The following DIAPH2 variants were observed in gnomAD, a reference collection of about 807,000 sequenced individuals.
DIAPH2 encodes the protein protein diaphanous homolog 2.
In DIAPH2, 35 loss-of-function variants were observed where a neutral mutation model predicts 92.7. The observed-to-expected ratio is 0.38, with a 90% CI of 0.29 to 0.50. The LOEUF (loss-of-function observed/expected upper bound fraction) is 0.50, where lower values mean the gene tolerates loss of function less well. Ranked by LOEUF, DIAPH2 falls within the 20% of genes least tolerant of loss-of-function variation. DIAPH2 has a pLI of 0.94. For synonymous variants in DIAPH2, 301 were observed against 280.4 expected (o/e 1.07, Z -0.73); for missense variants, 701 against 819.5 (o/e 0.86, Z 1.77).
chrX:97,170,032 G>A (rs2067440309), intron 22 of DIAPH2, among the ~76,000 whole-genome samples: 1 of 111,984 alleles, frequency 8.9e-6, no homozygotes, highest in Non-Finnish European at 1.9e-5. Context: ...GTCATTTAGA[G>A]AGATGAGGAA....
intron 26 of DIAPH2, among the ~76,000 whole-genome samples, chrX:97,462,637 T>C: frequency 8.9e-6 from 1 of 111,905 alleles, no homozygotes; most frequent in East Asian, 2.8e-4. Flanking sequence ...CACATTTTAA[T>C]TGGAAGAATG....
chrX:96,692,028 C>T (rs2063800378), intron 1 of DIAPH2, among the ~76,000 whole-genome samples: 1 of 112,111 alleles, frequency 8.9e-6, no homozygotes, highest in South Asian at 3.7e-4. Context: ...GGAATTTTAA[C>T]CTACCCTTAA....
intron 4 of DIAPH2, among the ~76,000 whole-genome samples, chrX:96,784,816 A>T (rs975751631): frequency 8.9e-6 from 1 of 112,126 alleles, no homozygotes; most frequent in Non-Finnish European, 1.9e-5. Context: ...TAAATCATCA[A>T]TGCAGAGTGG....
intron 23 of DIAPH2, among the ~76,000 whole-genome samples, chrX:97,264,575 A>G (rs1309305199): frequency 8.9e-6 from 1 of 112,548 alleles, no homozygotes; most frequent in Non-Finnish European, 1.9e-5. Flanking sequence ...GTGGTTAATT[A>G]ACCTTTGCAC....
intron 19 of DIAPH2, among the ~76,000 whole-genome samples, chrX:97,076,732 T>A (rs1204148891): frequency 1.8e-5 from 2 of 111,809 alleles, no homozygotes; most frequent in African/African-American, 6.5e-5. Flanking sequence ...CTCATATATA[T>A]GTCTTAAATC....
chrX:97,077,267 A>C (rs1011896213), intron 19 of DIAPH2, among the ~76,000 whole-genome samples: 2 of 111,761 alleles, frequency 1.8e-5, no homozygotes, highest in Non-Finnish European at 3.8e-5. Flanking sequence ...TCAGGAGAAA[A>C]GACTATAATC....
chrX:97,094,272 A>G (rs1229822001), intron 19 of DIAPH2, among the ~76,000 whole-genome samples: 3 of 111,731 alleles, frequency 2.7e-5, no homozygotes, highest in African/African-American at 9.8e-5. Context: ...TGGGAAAGTC[A>G]ATGCGCCTTC....
chrX:97,200,425 C>A (rs769894551), intron 22 of DIAPH2, among the ~76,000 whole-genome samples: 1 of 1,558 alleles, frequency 6.4e-4, no homozygotes, highest in South Asian at 0.045. Context: ...CGGAGCTCAG[C>A]AAGCTAAGAA....
chrX:97,235,391 G>A (rs2068039809), intron 22 of DIAPH2, among the ~76,000 whole-genome samples: 2 of 110,614 alleles, frequency 1.8e-5, no homozygotes, highest in South Asian at 7.7e-4. Context: ...GGATCATGAG[G>A]TCAGGAGATG....
chrX:97,034,102 G>C (rs1185960162), intron 17 of DIAPH2, among the ~76,000 whole-genome samples: 1 of 101,298 alleles, frequency 9.9e-6, no homozygotes, highest in South Asian at 4.3e-4. Context: ...TTTTTTTACT[G>C]TGACACTGTT....
intron 23 of DIAPH2, among the ~76,000 whole-genome samples, chrX:97,296,688 C>G (rs1416644334): frequency 2.7e-5 from 3 of 111,975 alleles, no homozygotes; most frequent in African/African-American, 9.7e-5. Flanking sequence ...GGGCATTTGC[C>G]CCATCTATAC....
intron 23 of DIAPH2, among the ~76,000 whole-genome samples, chrX:97,277,825 T>C (rs1428538617): frequency 8.9e-6 from 1 of 112,083 alleles, no homozygotes; most frequent in Non-Finnish European, 1.9e-5. Flanking sequence ...GTTGAACATT[T>C]CCATTCCAAA....
intron 4 of DIAPH2, among the ~76,000 whole-genome samples, chrX:96,860,870 G>A (rs1414921924): frequency 1.8e-5 from 2 of 111,644 alleles, no homozygotes; most frequent in Admixed American, 9.5e-5. Context: ...TTATATAATC[G>A]TATGTTAGAT....
intron 23 of DIAPH2, among the ~76,000 whole-genome samples, chrX:97,252,507 G>T (rs2068196737): frequency 9.0e-6 from 1 of 111,628 alleles, no homozygotes; most frequent in African/African-American, 3.3e-5. Flanking sequence ...CTGCCATTAT[G>T]TTAATTGTAT....
intron 25 of DIAPH2, among the ~76,000 whole-genome samples, chrX:97,419,873 A>G (rs183676838): frequency 9.0e-6 from 1 of 111,670 alleles, no homozygotes; most frequent in East Asian, 2.8e-4. Context: ...TCTTTTTCCA[A>G]ATTTGTTTTT....
At chrX:97,496,285 C>T (rs1378595283) in intron 26 of DIAPH2, among the ~76,000 whole-genome samples, 1 of 103,481 alleles carries the variant, frequency 9.7e-6, no homozygotes, top group Non-Finnish European at 1.9e-5. Flanking sequence ...AAGAGATTCT[C>T]CTCCCTCAGC....
intron 3 of DIAPH2, among the ~76,000 whole-genome samples, chrX:96,747,948 A>G (rs910678891): frequency 8.9e-6 from 1 of 112,112 alleles, no homozygotes; most frequent in Non-Finnish European, 1.9e-5. Context: ...TACATTTTCA[A>G]TATCCTTACT....
intron 25 of DIAPH2, among the ~76,000 whole-genome samples, chrX:97,421,228 T>TG (rs1292748486): frequency 8.9e-6 from 1 of 112,382 alleles, no homozygotes; most frequent in Non-Finnish European, 1.9e-5. Context: ...TGCAGAACGA[T>TG]GTGTTATTTT....
intron 26 of DIAPH2, among the ~76,000 whole-genome samples, chrX:97,483,872 A>G (rs1255904960): frequency 9.0e-6 from 1 of 111,620 alleles, no homozygotes; most frequent in Non-Finnish European, 1.9e-5. Context: ...AACAACCAAA[A>G]CCCTCAAATG....
Sources: allele counts gnomAD v4.1 joint callset (sites outside exome capture counted in the v4.1 genomes callset), GRCh38; gene constraint gnomAD v4.1.1; transcripts MANE v1.5; gene names NCBI Gene and HGNC (gene_info 2026-07-23, HGNC 2026-07-21).